Variants in PCDHGA8 observed in about 807,000 individuals in gnomAD.
PCDHGA8 encodes the protein protocadherin gamma-A8.
PCDHGA8 carries 45 observed loss-of-function variants against 59.2 expected under a neutral mutation model. The ratio of observed to expected loss-of-function variants is 0.76; its 90% CI spans 0.60 to 0.98. PCDHGA8 has a LOEUF of 0.98. PCDHGA8 is among the 50% of genes least tolerant of loss of function. PCDHGA8 has a pLI of 0.00. For synonymous variants in PCDHGA8, 531 were observed against 519.0 expected (o/e 1.02, Z -0.32); for missense variants, 1,257 against 1,196.2 (o/e 1.05, Z -0.75).
In PCDHGA8 at chr5:141,511,318, A is replaced by C; in HGVS notation, c.*145A>C. 2 of 1,476,400 alleles carry C rather than the reference A, an allele frequency of 1.4e-6. No homozygotes were observed. Among genetic ancestry groups the C allele is most frequent in the South Asian group, 2.7e-5 (2 of 72,796 alleles). 91.5% of individuals were successfully genotyped at this position (1,476,400 alleles called of 1,614,324 possible). On this transcript the variant is annotated 3_prime_UTR_variant, in exon 4 of 4. Transcript: ENST00000398604. The stretch of plus-strand genomic sequence containing the variant: ...GCCATGCTCCCCTTGGGAAACAGAA[A>C]CAAGTGCCCAGTCAGCACCTACCCC...
chr5:141,419,845 G>A, intron 1 of PCDHGA8: 3 of 1,614,064 alleles, frequency 1.9e-6, no homozygotes, highest in Non-Finnish European at 2.5e-6. Context: ...CGCTGCACCT[G>A]GTGTTCGCAG....
At chr5:141,405,648 G>T (rs936380418) in intron 1 of PCDHGA8, 5 of 523,616 alleles carry the variant, frequency 9.5e-6, no homozygotes, top group African/African-American at 3.9e-5. Context: ...CTAATTTTTT[G>T]TGTGTTTTTA....
chr5:141,394,701 C>G lies in PCDHGA8; in HGVS notation c.1888C>G (p.Arg630Gly), dbSNP rs375281416. 1.9e-6 allele frequency: 3 copies of G among 1,613,162 alleles called. No homozygotes were observed. Among genetic ancestry groups the G allele is most frequent in the Non-Finnish European group, 2.5e-6 (3 of 1,179,880 alleles). ...GCACACGGGCGAGGTGCGCACGGCG[C>G]GAGCCCTGCTGGACAGAGATGCGCT... is the stretch of plus-strand genomic sequence containing the variant. ...GLHTGEVRTA[R>G]ALLDRDALKQ... is the part of the protein sequence containing the mutation. The change falls in exon 1 of 4, where the codon CGA (arginine) becomes GGA (glycine). Residue 630 changes from arginine (R) to glycine (G), a missense_variant. Transcript: ENST00000398604.
intron 2 of PCDHGA8, among the ~76,000 whole-genome samples, chr5:141,499,885 G>A (rs945162089): frequency 2.6e-5 from 4 of 151,850 alleles, no homozygotes; most frequent in Non-Finnish European, 4.4e-5. Flanking sequence ...ACAGGGTTTC[G>A]CCATGTTGGC....
rs1433790348 is a variant in PCDHGA8, at chr5:141,431,831, G to A, written c.2424+36594G>A. The A allele has an allele frequency of 1.2e-6, 2 of 1,614,110 alleles. No homozygotes were observed. The highest frequency in any genetic ancestry group is 1.7e-6 in the Non-Finnish European group (2 of 1,180,040). On this transcript the variant is annotated intron_variant, in intron 1 of 3. Transcript: ENST00000398604. The surrounding 1 kb of genome is among the most constrained non-coding windows in gnomAD (Gnocchi z 4.8). Reference sequence around the variant, plus strand: ...CACCTCTCTCGCCAGCTCGGTTCCCGAAAACTCTCCCAGAGGGACATTAAT... The same window carrying A: ...CACCTCTCTCGCCAGCTCGGTTCCCAAAAACTCTCCCAGAGGGACATTAAT...
In PCDHGA8 at chr5:141,393,217, T is replaced by C. The variant is rs760159490; in HGVS notation, c.404T>C (p.Val135Ala). The C allele has an allele frequency of 1.2e-6, 2 of 1,613,564 alleles. No homozygotes were observed. The highest frequency in any genetic ancestry group is 3.3e-5 in the Admixed American group (2 of 60,030). Residue 135 changes from valine (V) to alanine (A), a missense_variant, in exon 1 of 4, where the codon GTC becomes GCC. Coordinates refer to ENST00000398604, the MANE Select transcript of PCDHGA8 (RefSeq NM_032088.2). ...DINDNNPKFQ[V>A]EDLEVKINEI... ...AACGATAATAACCCAAAATTCCAGG[T>C]CGAAGATCTAGAAGTAAAAATTAAC...
At chr5:141,419,886 G>C (rs1195529127) in intron 1 of PCDHGA8, 1 of 1,614,076 alleles carries the variant, frequency 6.2e-7, no homozygotes, top group Non-Finnish European at 8.5e-7. Context: ...CCGGATTTCA[G>C]CGACCATCCC....
intron 1 of PCDHGA8, chr5:141,478,743 A>G: frequency 6.5e-7 from 1 of 1,528,732 alleles, no homozygotes; most frequent in Non-Finnish European, 8.8e-7. Context: ...TTGTGGTCCC[A>G]TTTCAGGGGG....
At chr5:141,505,298 T>TA in intron 2 of PCDHGA8, 95 bp from the exon 3 acceptor site, 1 of 1,586,334 alleles carries the variant, frequency 6.3e-7, no homozygotes, top group Non-Finnish European at 8.6e-7. Context: ...GGGGTAGGGT[T>TA]AGGGTACTAG....
chr5:141,422,397 C>T (rs753017439), intron 1 of PCDHGA8: 4 of 1,597,606 alleles, frequency 2.5e-6, no homozygotes, highest in East Asian at 4.5e-5. Context: ...TTCCTAACCA[C>T]CTGCCTTTTA....
chr5:141,477,565 C>T lies in PCDHGA8; in HGVS notation c.2425-17242C>T, dbSNP rs1168703868. 3.1e-6 allele frequency: 5 copies of T among 1,614,146 alleles called. No homozygotes were observed. The highest frequency in any genetic ancestry group is 4.2e-6 in the Non-Finnish European group (5 of 1,180,030). On this transcript the variant is annotated intron_variant, in intron 1 of 3. Transcript: ENST00000398604. The surrounding 1 kb of genome is among the most constrained non-coding windows in gnomAD (Gnocchi z 4.9). ...CAATACTAAACCTAAGTGTCTGGGA[C>T]CCCGACGCCCCGCAGAATGCTCGGC... is the stretch of plus-strand genomic sequence containing the variant.
At chr5:141,501,313 ACAC>A (rs2099807743) in intron 2 of PCDHGA8, among the ~76,000 whole-genome samples, 1 of 151,686 alleles carries the variant, frequency 6.6e-6, no homozygotes, top group Non-Finnish European at 1.5e-5. Context: ...ACACACACAC[ACAC>A]ACACACACAC....
At chr5:141,442,053 G>A (rs888378256) in intron 1 of PCDHGA8, 3 of 197,472 alleles carry the variant, frequency 1.5e-5, no homozygotes, top group Non-Finnish European at 3.2e-5. Flanking sequence ...ACTGGTCGCG[G>A]TGCACTGCGG....
intron 1 of PCDHGA8, chr5:141,424,630 A>G (rs1440031596): frequency 1.3e-5 from 2 of 152,366 alleles, no homozygotes; most frequent in East Asian, 3.9e-4. Flanking sequence ...TTGTGAATAT[A>G]TAAATAGATT....
rs1410729947 is a variant in PCDHGA8 at position 141,493,256 on chromosome 5, T to TA, written c.2425-1550dup. 3.3e-5 allele frequency among the ~76,000 whole-genome samples: 5 copies of TA among 152,306 alleles called. No homozygotes were observed. The highest frequency in any genetic ancestry group is 1.2e-4 in the African/African-American group (5 of 41,570). ...TGGCTAGGTACTAACATGCCTCTCT[T>TA]ATAACAGCTTCACAGAGGTCAAGTG... On this transcript the variant is annotated intron_variant, in intron 1 of 3. Transcript: ENST00000398604. This position sits in a 1 kb window ranked among gnomAD's most constrained non-coding sequence, Gnocchi z 4.3.
At chr5:141,446,718 C>T (rs1279970040) in intron 1 of PCDHGA8, among the ~76,000 whole-genome samples, 4 of 152,174 alleles carry the variant, frequency 2.6e-5, no homozygotes, top group South Asian at 2.1e-4. Flanking sequence ...CTGCCCGCCT[C>T]GGCCTCCCAA....
At position 141,394,635 on chromosome 5, in the gene PCDHGA8, C is replaced by T. The variant is rs754317215; in HGVS notation, c.1822C>T (p.Leu608=). ...SGQNAWLSYR[L]LKASEPGLFS... is the part of the protein sequence containing the mutation. ...CCAGAACGCCTGGCTGTCCTACCGC[C>T]TGCTCAAGGCCAGCGAGCCGGGACT... is the stretch of plus-strand genomic sequence containing the variant. The change falls in exon 1 of 4, where the codon CTG becomes TTG. Residue 608 remains leucine (L), a synonymous_variant. Transcript: ENST00000398604. 1 of 1,613,428 alleles carries T rather than the reference C, an allele frequency of 6.2e-7. No homozygotes were observed. The highest frequency in any genetic ancestry group is 8.5e-7 in the Non-Finnish European group (1 of 1,179,956).
At chr5:141,399,363 G>A (rs773376480) in intron 1 of PCDHGA8, 5 of 1,613,910 alleles carry the variant, frequency 3.1e-6, no homozygotes, top group Non-Finnish European at 3.4e-6. Flanking sequence ...AGCAAACCCC[G>A]GAGTACAATG....
rs1485764871 is a variant in PCDHGA8, at chr5:141,486,709, C to A, written c.2425-8098C>A. On this transcript the variant is annotated intron_variant, in intron 1 of 3. Coordinates refer to ENST00000398604, the MANE Select transcript of PCDHGA8 (RefSeq NM_032088.2). The surrounding 1 kb of genome is among the most constrained non-coding windows in gnomAD (Gnocchi z 5.0). ...CTTCCTCTTTCATCTCTCTGAACCC[C>A]CAGACAGGAGCTGTTCATGCTACTC... 6.2e-7 allele frequency: 1 copy of A among 1,614,182 alleles called. No homozygotes were observed. Among genetic ancestry groups the A allele is most frequent in the Admixed American group, 1.7e-5 (1 of 60,022 alleles).
Sources: gnomAD v4.1 joint callset for allele counts (sites outside exome capture counted in the v4.1 genomes callset) on GRCh38, gnomAD v4.1.1 for gene constraint, Gnocchi (gnomAD v3.1) non-coding constraint, MANE v1.5 for transcripts, NCBI Gene and HGNC (gene_info 2026-07-23, HGNC 2026-07-21) for gene names.